Variants in GCNT1 observed in about 807,000 individuals in gnomAD.
The protein encoded by GCNT1 is beta-1,3-galactosyl-O-glycosyl-glycoprotein beta-1,6-N-acetylglucosaminyltransferase.
GCNT1 carries 16 observed loss-of-function variants against 26.2 expected under a neutral mutation model. That is an observed-to-expected ratio of 0.61 (90% CI 0.41 to 0.93). The LOEUF (loss-of-function observed/expected upper bound fraction) is 0.93. Ranked by LOEUF, GCNT1 falls within the 40% of genes least tolerant of loss-of-function variation. The probability of loss-of-function intolerance (pLI) is 0.00; values close to 1 mark genes in which losing one functional copy is unlikely to be tolerated. For synonymous variants in GCNT1, 183 were observed against 190.8 expected, an observed-to-expected ratio of 0.96 and a Z score of 0.34; for missense variants, 477 against 526.7, an observed-to-expected ratio of 0.91 and a Z score of 0.92.
At chr9:76,465,376 G>A (rs1161248440) in intron 2 of GCNT1, among the ~76,000 whole-genome samples, 2 of 151,988 alleles carry the variant, frequency 1.3e-5, no homozygotes, top group African/African-American at 4.8e-5. Flanking sequence ...CTCTCACCTC[G>A]GCCTCCCAAA....
intron 2 of GCNT1, among the ~76,000 whole-genome samples, chr9:76,495,848 AT>A (rs547645701): frequency 2.0e-5 from 3 of 152,274 alleles, no homozygotes; most frequent in African/African-American, 4.8e-5. Flanking sequence ...CCTCATTAAT[AT>A]TTTTTTAACA....
intron 1 of GCNT1, among the ~76,000 whole-genome samples, chr9:76,444,627 G>C (rs554398680): frequency 6.6e-6 from 1 of 152,296 alleles, no homozygotes; most frequent in South Asian, 2.1e-4. Flanking sequence ...CTAGAGGCAC[G>C]GGACTAAGCA....
At chr9:76,439,197 A>G (rs977238765), upstream of GCNT1, among the ~76,000 whole-genome samples, 1 of 151,694 alleles carries the variant, frequency 6.6e-6, no homozygotes, top group African/African-American at 2.4e-5. Flanking sequence ...ATGTGCAGTC[A>G]GCAATCTGTG....
At chr9:76,416,598 G>T (rs565088558), upstream of GCNT1, among the ~76,000 whole-genome samples, 1 of 152,200 alleles carries the variant, frequency 6.6e-6, no homozygotes, top group African/African-American at 2.4e-5. Flanking sequence ...GGGTTTGAGT[G>T]GGGGGCTGAG....
intron 1 of GCNT1, among the ~76,000 whole-genome samples, chr9:76,433,926 G>A (rs571724318): frequency 6.6e-6 from 1 of 152,160 alleles, no homozygotes; most frequent in Non-Finnish European, 1.5e-5. Context: ...AAGTGCCACT[G>A]AGCTGATGCC....
At chr9:76,499,177 A>C (rs1384074747) in intron 2 of GCNT1, among the ~76,000 whole-genome samples, 1 of 151,882 alleles carries the variant, frequency 6.6e-6, no homozygotes, top group Non-Finnish European at 1.5e-5. Context: ...GCCCAGGCTG[A>C]AGTGCAGTGG....
intron 2 of GCNT1, among the ~76,000 whole-genome samples, chr9:76,499,841 A>C (rs1825014016): frequency 6.6e-6 from 1 of 152,134 alleles, no homozygotes; most frequent in Non-Finnish European, 1.5e-5. Context: ...TTATTGATAC[A>C]TTATTTTTTT....
Position 76,495,565 on chromosome 9 carries a change from T to C in GCNT1, c.-289-5351T>C, listed in dbSNP as rs140479578. Among the ~76,000 whole-genome samples the C allele has an allele frequency of 9.4e-3, 1,429 of 152,328 alleles. 15 individuals carry two copies. Among genetic ancestry groups the C allele is most frequent in the Admixed American group, 0.017 (259 of 15,304 alleles). On this transcript the variant is annotated intron_variant, in intron 2 of 3. Coordinates refer to ENST00000376730, the MANE Select transcript of GCNT1 (RefSeq NM_001490.5). ...CTGATTGGTCCATTTTACAGAATGC[T>C]GATTGGTCCATTTTACACAGTGCTG...
At position 76,429,220 on chromosome 9, in the gene GCNT1, G is replaced by T. The variant is rs191571352; in HGVS notation, n.38+9333G>T. Among the ~76,000 whole-genome samples, 413 of 152,056 alleles carry T rather than the reference G, an allele frequency of 2.7e-3. 1 individual carries two copies. Among genetic ancestry groups the T allele is most frequent in the African/African-American group, 9.3e-3 (386 of 41,470 alleles). On this transcript the variant is annotated intron_variant and non_coding_transcript_variant, in intron 1 of 3. Coordinates refer to the GCNT1 transcript ENST00000488136. ...TTCTTTTGATCAGTCACTTTGTTCG[G>T]TTTTTTTCTGATTCTATTCCTATAG...
intron 1 of GCNT1, among the ~76,000 whole-genome samples, chr9:76,452,946 C>G (rs767676213): frequency 6.6e-6 from 1 of 152,140 alleles, no homozygotes; most frequent in East Asian, 1.9e-4. Flanking sequence ...TACATCCTCC[C>G]GTGGAATAAA....
chr9:76,431,319 G>A (rs1823333165), intron 1 of GCNT1, among the ~76,000 whole-genome samples: 1 of 152,088 alleles, frequency 6.6e-6, no homozygotes, highest in African/African-American at 2.4e-5. Context: ...AGGGACCCCA[G>A]GTCATCCATA....
Position 76,504,119 on chromosome 9 carries a change from ATAT to A in GCNT1, c.*455_*457del, listed in dbSNP as rs1229894347. On this transcript the variant is annotated 3_prime_UTR_variant, in exon 4 of 4. Transcript: ENST00000376730. ...AATAATCAAAGATACAATTAATCTGATATTATATTTGTTGAAATAGAAATTTGA... is the reference window on the plus strand; with the variant it reads ...AATAATCAAAGATACAATTAATCTGATATATTTGTTGAAATAGAAATTTGA... 2.0e-5 allele frequency: 4 copies of A among 200,456 alleles called. No individual in the cohort carries two copies. The highest frequency in any genetic ancestry group is 4.6e-5 in the Non-Finnish European group (4 of 86,764). 12.4% of individuals were successfully genotyped at this position (200,456 alleles called of 1,614,324 possible).
At chr9:76,469,704 G>A (rs772598101) in intron 2 of GCNT1, among the ~76,000 whole-genome samples, 12 of 152,154 alleles carry the variant, frequency 7.9e-5, no homozygotes, top group Admixed American at 2.6e-4. Flanking sequence ...CCAGCGAGGC[G>A]CCCATTGCCG....
chr9:76,468,855 G>C (rs149276875), intron 2 of GCNT1, among the ~76,000 whole-genome samples: 230 of 152,272 alleles, frequency 1.5e-3, no homozygotes, highest in African/African-American at 5.3e-3. Flanking sequence ...GCTGTGTGGA[G>C]AAGTTTTCAT....
chr9:76,484,212 G>A (rs924518948), intron 2 of GCNT1, among the ~76,000 whole-genome samples: 1 of 152,126 alleles, frequency 6.6e-6, no homozygotes, highest in Non-Finnish European at 1.5e-5. Flanking sequence ...GGGCATCATA[G>A]TGAGACCCTA....
At chr9:76,477,724 G>A (rs1047715027) in intron 2 of GCNT1, among the ~76,000 whole-genome samples, 1 of 152,132 alleles carries the variant, frequency 6.6e-6, no homozygotes, top group Non-Finnish European at 1.5e-5. Context: ...TCTCACCCTA[G>A]CCATTCCTAG....
the GCNT1 span, among the ~76,000 whole-genome samples, chr9:76,414,697 G>C: frequency 5.0e-4 from 76 of 152,178 alleles, no homozygotes; most frequent in Non-Finnish European, 7.9e-4. Flanking sequence ...AAACTGTCAT[G>C]GTGCTAGTGG....
At chr9:76,495,483 C>T (rs964328061) in intron 2 of GCNT1, among the ~76,000 whole-genome samples, 4 of 152,166 alleles carry the variant, frequency 2.6e-5, no homozygotes, top group East Asian at 1.9e-4. Context: ...AGCAGGTTGC[C>T]GCTGCTGGCT....
chr9:76,494,081 C>T (rs1824832345), intron 2 of GCNT1, among the ~76,000 whole-genome samples: 1 of 152,048 alleles, frequency 6.6e-6, no homozygotes, highest in African/African-American at 2.4e-5. Context: ...CCGCCCCCCA[C>T]CAAGAACCCA....
Sources: allele counts gnomAD v4.1 joint callset (sites outside exome capture counted in the v4.1 genomes callset), GRCh38; gene constraint gnomAD v4.1.1; transcripts MANE v1.5; gene names NCBI Gene and HGNC (gene_info 2026-07-23, HGNC 2026-07-21).